Variants in NKAIN2 observed in about 807,000 individuals in gnomAD.
NKAIN2 encodes the protein sodium/potassium transporting ATPase interacting 2.
In NKAIN2, 14 loss-of-function variants were observed where a neutral mutation model predicts 32.6. The ratio of observed to expected loss-of-function variants is 0.43; its 90% CI spans 0.28 to 0.67. NKAIN2 has a LOEUF of 0.67. Ranked by LOEUF, NKAIN2 falls within the 30% of genes least tolerant of loss-of-function variation. The pLI, the probability that NKAIN2 is intolerant of heterozygous loss-of-function variation, is 0.17. For missense variants in NKAIN2, 198 were observed against 258.3 expected, an observed-to-expected ratio of 0.77 and a Z score of 1.60; for synonymous variants, 80 against 87.2, an observed-to-expected ratio of 0.92 and a Z score of 0.46.
At chr6:124,256,945 C>T (rs1261913202) in intron 1 of NKAIN2, among the ~76,000 whole-genome samples, 7 of 122,494 alleles carry the variant, frequency 5.7e-5, no homozygotes, top group South Asian at 2.7e-4. Context: ...ATACAAACAA[C>T]GTGCAAAAGC....
chr6:123,890,254 GTT>G (rs1253509095), intron 1 of NKAIN2, among the ~76,000 whole-genome samples: 1 of 151,876 alleles, frequency 6.6e-6, no homozygotes, highest in Non-Finnish European at 1.5e-5. Flanking sequence ...CATCTTTGGA[GTT>G]TCAGTCTTGT....
At chr6:124,219,547 G>A (rs2114689702) in intron 1 of NKAIN2, among the ~76,000 whole-genome samples, 1 of 152,070 alleles carries the variant, frequency 6.6e-6, no homozygotes, top group South Asian at 2.1e-4. Flanking sequence ...CAAAGTGCTG[G>A]GATTACAACT....
intron 5 of NKAIN2, among the ~76,000 whole-genome samples, chr6:124,798,837 C>T (rs542110616): frequency 1.3e-5 from 2 of 152,260 alleles, no homozygotes; most frequent in East Asian, 1.9e-4. Flanking sequence ...CACTGATTCA[C>T]TCAGGATGGA....
Position 124,516,040 on chromosome 6 carries a change from C to T in NKAIN2, c.274-142146C>T, listed in dbSNP as rs191603655. 1.8e-4 allele frequency among the ~76,000 whole-genome samples: 27 copies of T among 152,214 alleles called. No individual in the cohort carries two copies. The East Asian group carries it at 5.0e-3, about 28-fold the overall frequency. On this transcript the variant is annotated intron_variant, in intron 3 of 6. Coordinates refer to ENST00000368417, the MANE Select transcript of NKAIN2 (RefSeq NM_001040214.3). ...TTGTTCAAAAATGTTTATTGCATTCCTACTATCTTCCTCGCACTATTCTAG... is the reference window on the plus strand; with the variant it reads ...TTGTTCAAAAATGTTTATTGCATTCTTACTATCTTCCTCGCACTATTCTAG...
intron 5 of NKAIN2, chr6:124,804,631 G>A (rs1582552875): frequency 6.5e-6 from 1 of 153,126 alleles, no homozygotes; most frequent in African/African-American, 2.4e-5. Context: ...GGGAGTGCCA[G>A]ACAGTGGGCG....
chr6:123,986,406 T>C (rs1018912713), intron 1 of NKAIN2, among the ~76,000 whole-genome samples: 4 of 152,200 alleles, frequency 2.6e-5, no homozygotes, highest in African/African-American at 9.6e-5. Flanking sequence ...TTCAGCTATT[T>C]TTCTTTTGCC....
At chr6:124,510,183 G>A (rs567410790) in intron 3 of NKAIN2, among the ~76,000 whole-genome samples, 15 of 150,796 alleles carry the variant, frequency 9.9e-5, no homozygotes, top group East Asian at 1.9e-4. Context: ...TTTTTACATC[G>A]AATGTTGGAT....
chr6:124,091,012 TTAA>T (rs1191203255), intron 1 of NKAIN2, among the ~76,000 whole-genome samples: 1 of 151,988 alleles, frequency 6.6e-6, no homozygotes, highest in Non-Finnish European at 1.5e-5. Context: ...TCATAACAAC[TTAA>T]TAATGTATTA....
At chr6:124,630,604 C>CTGAAT (rs1783526338) in intron 3 of NKAIN2, among the ~76,000 whole-genome samples, 1 of 152,024 alleles carries the variant, frequency 6.6e-6, no homozygotes, top group African/African-American at 2.4e-5. Context: ...ACATAATTAC[C>CTGAAT]TGAATTATTT....
intron 1 of NKAIN2, among the ~76,000 whole-genome samples, chr6:123,826,834 C>G (rs1774166933): frequency 6.6e-6 from 1 of 152,030 alleles, no homozygotes; most frequent in African/African-American, 2.4e-5. Context: ...CAAGTTCCTG[C>G]TTTTAGTTCT....
intron 1 of NKAIN2, among the ~76,000 whole-genome samples, chr6:124,005,075 A>C (rs185636567): frequency 6.6e-6 from 1 of 152,070 alleles, no homozygotes; most frequent in East Asian, 1.9e-4. Context: ...AAATACAAAA[A>C]TTAGCCACAC....
chr6:124,638,887 C>CAAAAAAAAAAAA (rs35802663), intron 3 of NKAIN2, among the ~76,000 whole-genome samples: 2 of 82,626 alleles, frequency 2.4e-5, no homozygotes, highest in Non-Finnish European at 4.5e-5. Flanking sequence ...GAGACTCTGT[C>CAAAAAAAAAAAA]AAAAAAAAAA....
At chr6:124,084,098 T>A (rs1302577953) in intron 1 of NKAIN2, among the ~76,000 whole-genome samples, 1 of 151,928 alleles carries the variant, frequency 6.6e-6, no homozygotes, top group Non-Finnish European at 1.5e-5. Context: ...GATTTCTAGC[T>A]TGAGTAACTT....
At position 124,825,336 on chromosome 6, in the gene NKAIN2, A is replaced by T. The variant is rs536091357; in HGVS notation, c.*2107A>T. 1 of 152,754 alleles carries T rather than the reference A, an allele frequency of 6.5e-6. No homozygotes were observed. Among genetic ancestry groups the T allele is most frequent in the South Asian group, 2.1e-4 (1 of 4,830 alleles). The allele number at this position is 152,754 out of a possible 1,614,324, so 9.5% of individuals were successfully genotyped here. On this transcript the variant is annotated 3_prime_UTR_variant, in exon 7 of 7. Transcript: ENST00000368417. ...CATCACCACCAAAATTTTAAAAAACAGTAGTTGACTACTAAAAAGTAATCA... is the reference window on the plus strand; with the variant it reads ...CATCACCACCAAAATTTTAAAAAACTGTAGTTGACTACTAAAAAGTAATCA...
intron 1 of NKAIN2, among the ~76,000 whole-genome samples, chr6:123,826,359 T>A (rs4897535): frequency 0.28 from 42,470 of 152,104 alleles, 8,514 homozygotes; most frequent in East Asian, 0.56. Flanking sequence ...TTGTTGTAAA[T>A]CATACATAAC....
At chr6:124,344,631 T>C (rs1445427965) in intron 2 of NKAIN2, among the ~76,000 whole-genome samples, 1 of 152,086 alleles carries the variant, frequency 6.6e-6, no homozygotes, top group Non-Finnish European at 1.5e-5. Flanking sequence ...TGGCTCTCTG[T>C]TTGTCTGTTA....
intron 1 of NKAIN2, among the ~76,000 whole-genome samples, chr6:124,103,435 T>G (rs796417061): frequency 2.0e-4 from 31 of 152,312 alleles, no homozygotes; most frequent in African/African-American, 7.0e-4. Flanking sequence ...CTGCATCTTC[T>G]AGAGTCTGTT....
intron 1 of NKAIN2, among the ~76,000 whole-genome samples, chr6:124,220,220 A>G (rs572740317): frequency 6.6e-5 from 10 of 151,300 alleles, no homozygotes; most frequent in East Asian, 3.9e-4. Context: ...CTTTCTCACT[A>G]TCTCTCCTTC....
At chr6:123,955,196 C>CAAAAAA (rs5879708) in intron 1 of NKAIN2, among the ~76,000 whole-genome samples, 12 of 105,002 alleles carry the variant, frequency 1.1e-4, no homozygotes, top group South Asian at 2.8e-4. Flanking sequence ...ACAGAAAAAC[C>CAAAAAA]AAAAAAAAAA....
Sources: allele counts gnomAD v4.1 joint callset (sites outside exome capture counted in the v4.1 genomes callset), GRCh38; gene constraint gnomAD v4.1.1; transcripts MANE v1.5; gene names NCBI Gene and HGNC (gene_info 2026-07-23, HGNC 2026-07-21).